The following ANKS1B variants were observed in gnomAD, a reference collection of about 807,000 sequenced individuals.
ANKS1B encodes the protein ankyrin repeat and sterile alpha motif domain containing 1B, also known as ankyrin repeat and sterile alpha motif domain-containing protein 1B.
ANKS1B carries 36 observed loss-of-function variants against 148.3 expected under a neutral mutation model. The observed-to-expected ratio is 0.24, with a 90% confidence interval of 0.19 to 0.32. ANKS1B has a LOEUF of 0.32. Among genes scored for constraint, ANKS1B ranks in the 10% least tolerant of loss-of-function variants. The pLI, the probability that ANKS1B is intolerant of heterozygous loss-of-function variation, is 1.00. For synonymous variants in ANKS1B, 542 were observed against 560.8 expected (o/e 0.97, Z 0.47); for missense variants, 1,157 against 1,542.6 (o/e 0.75, Z 4.19).
chr12:99,304,068 T>G (rs1198646303), intron 12 of ANKS1B, among the ~76,000 whole-genome samples: 3 of 152,162 alleles, frequency 2.0e-5, no homozygotes, highest in Non-Finnish European at 4.4e-5. Flanking sequence ...TGTGCTGCTA[T>G]AAACATGCAT....
intron 15 of ANKS1B, among the ~76,000 whole-genome samples, chr12:99,133,662 T>C (rs2066923469): frequency 6.6e-6 from 1 of 152,192 alleles, no homozygotes; most frequent in Non-Finnish European, 1.5e-5. Flanking sequence ...ATCACTTCCT[T>C]CAGAAGTCCA....
Position 99,871,676 on chromosome 12 carries a change from T to C in ANKS1B, c.135-46287A>G, listed in dbSNP as rs76735546. Among the ~76,000 whole-genome samples the C allele has an allele frequency of 1.7e-3, 260 of 152,298 alleles. 8 individuals are homozygous for C. The East Asian group carries it at 0.041, about 24-fold the overall frequency. On this transcript the variant is annotated intron_variant, in intron 1 of 26. Transcript: ENST00000683438. ...TATTTTGTTTTTGTGTGTGTAGCTA[T>C]TGTAAGTGAAATTGTGTTCTTGATT...
chr12:99,197,167 G>C (rs2081492419), intron 14 of ANKS1B, among the ~76,000 whole-genome samples: 1 of 152,152 alleles, frequency 6.6e-6, no homozygotes, highest in Non-Finnish European at 1.5e-5. Context: ...CAGAACTACA[G>C]CACTTGGAAG....
chr12:99,213,582 T>C (rs80040774), intron 14 of ANKS1B, among the ~76,000 whole-genome samples: 2,036 of 152,320 alleles, frequency 0.013, 38 homozygotes, highest in African/African-American at 0.047. Context: ...ATAATGGGGA[T>C]GTGTATATGG....
intron 19 of ANKS1B, among the ~76,000 whole-genome samples, chr12:98,818,145 C>T (rs1344537964): frequency 9.4e-6 from 1 of 106,762 alleles, no homozygotes; most frequent in East Asian, 3.4e-4. Context: ...AGTTCCCTCC[C>T]TCCCTCCCTC....
At chr12:99,341,422 G>A (rs2089900790) in intron 12 of ANKS1B, among the ~76,000 whole-genome samples, 1 of 152,054 alleles carries the variant, frequency 6.6e-6, no homozygotes, top group Non-Finnish European at 1.5e-5. Context: ...ACTGCACATT[G>A]ATTTCACACA....
intron 14 of ANKS1B, among the ~76,000 whole-genome samples, chr12:99,213,451 A>G (rs1426267336): frequency 6.6e-6 from 1 of 152,212 alleles, no homozygotes. Context: ...ACTGGGGAAG[A>G]GTAGAAACCT....
intron 14 of ANKS1B, among the ~76,000 whole-genome samples, chr12:99,174,054 C>T (rs2078097399): frequency 6.6e-6 from 1 of 152,150 alleles, no homozygotes; most frequent in African/African-American, 2.4e-5. Context: ...AAAGTTCTGA[C>T]TTTGATCTTA....
rs2153870678 is a variant in ANKS1B, at chr12:99,984,589, T to C, written c.-352A>G. 5.1e-6 allele frequency: 1 copy of C among 196,976 alleles called. No individual in the cohort carries two copies. Among genetic ancestry groups the C allele is most frequent in the African/African-American group, 2.3e-5 (1 of 43,534 alleles). The allele number at this position is 196,976 out of a possible 1,614,324, so 12.2% of individuals were successfully genotyped here. On this transcript the variant is annotated 5_prime_UTR_variant, in exon 1 of 27. Coordinates refer to ENST00000683438, the MANE Select transcript of ANKS1B (RefSeq NM_001352186.2). Reference sequence around the variant, plus strand: ...CTTTTGAGGAGCGGGAGGAGGGTGGTGAGGACTGAGGTCGGAGGAGGAGGA... The same window carrying C: ...CTTTTGAGGAGCGGGAGGAGGGTGGCGAGGACTGAGGTCGGAGGAGGAGGA...
chr12:99,653,249 C>A (rs1436069544), intron 9 of ANKS1B, among the ~76,000 whole-genome samples: 1 of 152,106 alleles, frequency 6.6e-6, no homozygotes, highest in African/African-American at 2.4e-5. Flanking sequence ...CAGATACAAT[C>A]ATATTACTGA....
intron 1 of ANKS1B, among the ~76,000 whole-genome samples, chr12:99,875,512 A>T (rs2091965963): frequency 6.6e-6 from 1 of 152,204 alleles, no homozygotes; most frequent in South Asian, 2.1e-4. Context: ...AGATTAACTC[A>T]GAAAGACCTC....
At chr12:99,870,481 T>C (rs2091370166) in intron 1 of ANKS1B, among the ~76,000 whole-genome samples, 1 of 152,210 alleles carries the variant, frequency 6.6e-6, no homozygotes, top group Non-Finnish European at 1.5e-5. Context: ...AGTCAAATGA[T>C]AGTTCTAAGA....
chr12:99,374,056 C>T (rs1442098832), intron 12 of ANKS1B, among the ~76,000 whole-genome samples: 1 of 152,180 alleles, frequency 6.6e-6, no homozygotes, highest in East Asian at 1.9e-4. Flanking sequence ...CAATTTCAGT[C>T]TCAGTAACCC....
At chr12:99,244,211 T>C in intron 14 of ANKS1B, 131 bp downstream of exon 14, 5 of 633,700 alleles carry the variant, frequency 7.9e-6, no homozygotes, top group Non-Finnish European at 1.3e-5. Context: ...TTGTTAGATC[T>C]GAGAGTGGAA....
chr12:99,455,532 C>T (rs984509878), intron 10 of ANKS1B, among the ~76,000 whole-genome samples: 1 of 152,166 alleles, frequency 6.6e-6, no homozygotes, highest in Admixed American at 6.6e-5. Flanking sequence ...GTTCTTAGTC[C>T]TGCTCATAGG....
At chr12:99,414,168 G>A (rs1457905830) in intron 11 of ANKS1B, among the ~76,000 whole-genome samples, 1 of 151,630 alleles carries the variant, frequency 6.6e-6, no homozygotes, top group Non-Finnish European at 1.5e-5. Context: ...TGAAACATAT[G>A]AAACTGCTGA....
chr12:99,490,144 G>A (rs79279232), intron 10 of ANKS1B, among the ~76,000 whole-genome samples: 1 of 152,158 alleles, frequency 6.6e-6, no homozygotes, highest in Non-Finnish European at 1.5e-5. Context: ...TACACACCTA[G>A]TTGACCTGGA....
At chr12:99,570,042 A>G (rs967902785) in intron 9 of ANKS1B, among the ~76,000 whole-genome samples, 8 of 152,182 alleles carry the variant, frequency 5.3e-5, no homozygotes, top group Admixed American at 1.3e-4. Flanking sequence ...CCAAAGGCAC[A>G]TAACTCACCC....
Position 99,905,940 on chromosome 12 carries a change from T to C in ANKS1B, c.134+78164A>G, listed in dbSNP as rs1458008006. 3.9e-5 allele frequency among the ~76,000 whole-genome samples: 6 copies of C among 152,302 alleles called. No individual in the cohort carries two copies. In the East Asian group the frequency reaches 9.6e-4, roughly 24 times the overall value. On this transcript the variant is annotated intron_variant, in intron 1 of 26. Transcript: ENST00000683438. ...ATAATTCAGCCCATAACAAGTACCG[T>C]CTAGGTAACCACTCTAACAGAGGTT...
Sources: gnomAD v4.1 joint callset for allele counts (sites outside exome capture counted in the v4.1 genomes callset) on GRCh38, gnomAD v4.1.1 for gene constraint, MANE v1.5 for transcripts, NCBI Gene and HGNC (gene_info 2026-07-23, HGNC 2026-07-21) for gene names.